Variants in FHOD3 observed in about 807,000 individuals in gnomAD.
FHOD3 encodes formin homology 2 domain containing 3, also known as FH1/FH2 domain-containing protein 3.
A neutral mutation model predicts 173.0 loss-of-function variants in FHOD3; 90 were observed. That is an observed-to-expected ratio of 0.52 (90% CI 0.44 to 0.62). The LOEUF is 0.62. Ranked by LOEUF, FHOD3 falls within the 20% of genes least tolerant of loss-of-function variation. The pLI, the probability that FHOD3 is intolerant of heterozygous loss-of-function variation, is 0.00. For synonymous variants in FHOD3, 828 were observed against 823.0 expected (o/e 1.01, Z -0.10); for missense variants, 1,945 against 2,034.7 (o/e 0.96, Z 0.85).
intron 14 of FHOD3, among the ~76,000 whole-genome samples, chr18:36,660,211 G>T (rs1299965651): frequency 6.6e-6 from 1 of 152,188 alleles, no homozygotes; most frequent in Non-Finnish European, 1.5e-5. Flanking sequence ...GGAAGTTGCA[G>T]TGAGCCGAGA....
chr18:36,571,385 A>T (rs2058446370), intron 5 of FHOD3, among the ~76,000 whole-genome samples: 1 of 152,214 alleles, frequency 6.6e-6, no homozygotes, highest in Non-Finnish European at 1.5e-5. Flanking sequence ...ATCTGCGAAG[A>T]TGTATAATAA....
At chr18:36,367,534 AAAAG>A in intron 2 of FHOD3, among the ~76,000 whole-genome samples, 1 of 152,292 alleles carries the variant, frequency 6.6e-6, no homozygotes, top group African/African-American at 2.4e-5. Context: ...ACACAGACTC[AAAAG>A]GAGTGGCAGC....
At chr18:36,573,644 T>C (rs140620149) in intron 5 of FHOD3, among the ~76,000 whole-genome samples, 89 of 152,272 alleles carry the variant, frequency 5.8e-4, no homozygotes, top group African/African-American at 2.0e-3. Context: ...GTGATGTTGC[T>C]TTTTACTTAT....
chr18:36,712,960 C>A (rs914548248), intron 18 of FHOD3, among the ~76,000 whole-genome samples: 2 of 151,998 alleles, frequency 1.3e-5, no homozygotes, highest in Non-Finnish European at 1.5e-5. Context: ...CAGGAAGGGG[C>A]GCAACATTTT....
chr18:36,544,820 A>G (rs1105460), intron 5 of FHOD3: 65,954 of 152,046 alleles, frequency 0.43, 14,635 homozygotes, highest in Non-Finnish European at 0.49. Flanking sequence ...AGCAATGGGT[A>G]CTTTTCCAGC....
intron 3 of FHOD3, among the ~76,000 whole-genome samples, chr18:36,474,832 G>C (rs918268896): frequency 1.3e-5 from 2 of 152,120 alleles, no homozygotes; most frequent in Non-Finnish European, 2.9e-5. Context: ...GAGGCCTGGG[G>C]CCCTCTGGCT....
chr18:36,684,868 T>C (rs2149431726), intron 15 of FHOD3, among the ~76,000 whole-genome samples: 1 of 152,304 alleles, frequency 6.6e-6, no homozygotes, highest in East Asian at 1.9e-4. Context: ...AGTGTCACCA[T>C]CTTGGCTCAC....
At chr18:36,763,139 A>G (rs987876407) in intron 27 of FHOD3, among the ~76,000 whole-genome samples, 2 of 147,860 alleles carry the variant, frequency 1.4e-5, no homozygotes, top group African/African-American at 4.9e-5. Flanking sequence ...TACACGTTAT[A>G]TATGTGTATT....
chr18:36,723,603 C>T (rs1330654165), intron 19 of FHOD3, among the ~76,000 whole-genome samples: 1 of 152,174 alleles, frequency 6.6e-6, no homozygotes, highest in African/African-American at 2.4e-5. Context: ...ATTTCTAGAA[C>T]TTCTGCCTCT....
At chr18:36,331,081 A>T (rs111383300) in intron 1 of FHOD3, among the ~76,000 whole-genome samples, 2 of 152,144 alleles carry the variant, frequency 1.3e-5, no homozygotes, top group African/African-American at 4.8e-5. Context: ...GCTTGTTCTG[A>T]TTTCCTCCAA....
intron 14 of FHOD3, among the ~76,000 whole-genome samples, chr18:36,663,299 A>T (rs375957941): frequency 2.1e-4 from 32 of 152,358 alleles, no homozygotes; most frequent in African/African-American, 6.7e-4. Flanking sequence ...CGTGTGTCAG[A>T]TACTAACAGG....
intron 3 of FHOD3, among the ~76,000 whole-genome samples, chr18:36,391,270 C>T (rs2048287605): frequency 6.6e-6 from 1 of 152,106 alleles, no homozygotes; most frequent in Non-Finnish European, 1.5e-5. Context: ...CAAAGTGTAC[C>T]CACTTTTAAA....
intron 3 of FHOD3, among the ~76,000 whole-genome samples, chr18:36,391,823 A>G (rs891145386): frequency 6.6e-6 from 1 of 152,096 alleles, no homozygotes; most frequent in African/African-American, 2.4e-5. Context: ...CAGACAAACC[A>G]TGTGGCCCCC....
chr18:36,680,725 G>A (rs2038179511), intron 14 of FHOD3, among the ~76,000 whole-genome samples: 1 of 152,126 alleles, frequency 6.6e-6, no homozygotes, highest in Non-Finnish European at 1.5e-5. Flanking sequence ...CTGAGTCCTT[G>A]GATGCTTCTT....
chr18:36,737,773 G>A (rs2041710975), intron 20 of FHOD3, among the ~76,000 whole-genome samples: 1 of 152,228 alleles, frequency 6.6e-6, no homozygotes, highest in African/African-American at 2.4e-5. Context: ...ATGCACACTT[G>A]TGTAAATATC....
chr18:36,767,778 C>T (rs2043202610), intron 27 of FHOD3, among the ~76,000 whole-genome samples: 1 of 152,084 alleles, frequency 6.6e-6, no homozygotes, highest in African/African-American at 2.4e-5. Flanking sequence ...GAAATTATGA[C>T]TACTTTATAG....
intron 11 of FHOD3, among the ~76,000 whole-genome samples, chr18:36,652,246 C>T (rs772686621): frequency 1.4e-4 from 21 of 152,294 alleles, no homozygotes; most frequent in African/African-American, 4.3e-4. Flanking sequence ...TGGGAGGTGC[C>T]GGGTGCAGAA....
At position 36,297,880 on chromosome 18, in the gene FHOD3, C is replaced by T. The variant is rs1258028099; in HGVS notation, c.45C>T (p.Asp15=). 1 of 1,555,662 alleles carries T rather than the reference C, an allele frequency of 6.4e-7. No homozygotes were observed. Among genetic ancestry groups the T allele is most frequent in the East Asian group, 2.5e-5 (1 of 40,652 alleles). ...ACRVQFLDDT[D]PFNSTNFPEP... is the part of the protein sequence containing the mutation. ...GGGTGCAGTTCTTGGACGACACGGA[C>T]CCTTTCAACAGCACCAACTTCCCCG... is the stretch of plus-strand genomic sequence containing the variant. Residue 15 remains aspartate, a synonymous_variant, in exon 1 of 29, where the codon GAC becomes GAT. Transcript: ENST00000590592.
intron 14 of FHOD3, among the ~76,000 whole-genome samples, chr18:36,663,784 C>G (rs1409969629): frequency 6.6e-6 from 1 of 152,236 alleles, no homozygotes; most frequent in Admixed American, 6.5e-5. Flanking sequence ...TGATGGCCTG[C>G]CAGGCTTGCC....
Sources: allele counts gnomAD v4.1 joint callset (sites outside exome capture counted in the v4.1 genomes callset), GRCh38; gene constraint gnomAD v4.1.1; transcripts MANE v1.5; gene names NCBI Gene and HGNC (gene_info 2026-07-23, HGNC 2026-07-21).